Variants in THSD7A observed in about 807,000 individuals in gnomAD.
The protein encoded by THSD7A is thrombospondin type-1 domain-containing protein 7A.
In THSD7A, 96 loss-of-function variants were observed where a neutral mutation model predicts 231.3. The observed-to-expected ratio is 0.41, with a 90% CI of 0.35 to 0.49. The LOEUF (loss-of-function observed/expected upper bound fraction) is 0.49. Among genes scored for constraint, THSD7A ranks in the 20% least tolerant of loss-of-function variants. The pLI, the probability that THSD7A is intolerant of heterozygous loss-of-function variation, is 0.05. For missense variants in THSD7A, 2,290 were observed against 2,070.2 expected, an observed-to-expected ratio of 1.11 and a Z score of -2.06; for synonymous variants, 940 against 743.3, an observed-to-expected ratio of 1.26 and a Z score of -4.30.
At chr7:11,720,531 A>G (rs1781314363) in intron 1 of THSD7A, among the ~76,000 whole-genome samples, 1 of 151,784 alleles carries the variant, frequency 6.6e-6, no homozygotes, top group African/African-American at 2.4e-5. Context: ...GCAAAACAAA[A>G]CAAGCAATAC....
In THSD7A at chr7:11,429,073, A is replaced by G. The variant is rs1339021894; in HGVS notation, c.3117T>C (p.Ser1039=). The change falls in exon 14 of 28, where the codon AGT becomes AGC. Residue 1039 remains serine (S), a synonymous_variant. Coordinates refer to ENST00000423059, the MANE Select transcript of THSD7A (RefSeq NM_015204.3). ...TGCAGCGCGACCAGTTGGACCACTC[A>G]CTGAGCTTGCAGTCTGAGGGGCAGG... ...IIPCPSDCKL[S]EWSNWSRCSK... is the part of the protein sequence containing the mutation. 1 of 1,612,042 alleles carries G rather than the reference A, an allele frequency of 6.2e-7. No homozygotes were observed. The highest frequency in any genetic ancestry group is 8.5e-7 in the Non-Finnish European group (1 of 1,179,124).
chr7:11,624,239 C>A (rs1443713880), intron 2 of THSD7A, among the ~76,000 whole-genome samples: 1 of 152,052 alleles, frequency 6.6e-6, no homozygotes, highest in East Asian at 1.9e-4. Context: ...ATAACCACGA[C>A]CTTACTTGTG....
At chr7:11,412,578 T>G in intron 18 of THSD7A, 78 bp downstream of exon 18, 1 of 1,540,850 alleles carries the variant, frequency 6.5e-7, no homozygotes, top group Non-Finnish European at 8.9e-7. Context: ...AGAGATGAAC[T>G]ATACTGACAG....
chr7:11,587,621 ACTTT>A (rs1278084482), intron 4 of THSD7A, among the ~76,000 whole-genome samples: 1 of 152,222 alleles, frequency 6.6e-6, no homozygotes, highest in East Asian at 1.9e-4. Flanking sequence ...CCTTGTGAGT[ACTTT>A]AATAAGATAC....
At position 11,446,278 on chromosome 7, in the gene THSD7A, G is replaced by A. The variant is rs1224485645; in HGVS notation, c.2847C>T (p.Pro949=). The change falls in exon 13 of 28, where the codon CCC becomes CCT. Residue 949 remains proline, a synonymous_variant. Transcript: ENST00000423059. This position sits in a 1 kb window ranked among gnomAD's most constrained non-coding sequence, Gnocchi z 4.0. ...KEKCKNSHLY[P]LIETQYCPCD... is the part of the protein sequence containing the mutation. ...AAGGACAATACTGAGTCTCAATCAGGGGATACAAATGGGAATTTTTACATT... is the reference window on the plus strand; with the variant it reads ...AAGGACAATACTGAGTCTCAATCAGAGGATACAAATGGGAATTTTTACATT... The A allele has an allele frequency of 5.6e-6, 9 of 1,612,772 alleles. No homozygotes were observed. The highest frequency in any genetic ancestry group is 1.7e-5 in the Admixed American group (1 of 59,886).
At chr7:11,546,200 G>GCACACACACA (rs1554335284) in intron 4 of THSD7A, among the ~76,000 whole-genome samples, 3 of 40,874 alleles carry the variant, frequency 7.3e-5, no homozygotes, top group African/African-American at 4.0e-4. Context: ...GTGTGGGCGC[G>GCACACACACA]CGCTCACACA....
At chr7:11,394,240 C>G (rs565626551) in intron 23 of THSD7A, among the ~76,000 whole-genome samples, 2 of 152,264 alleles carry the variant, frequency 1.3e-5, no homozygotes, top group East Asian at 1.9e-4. Flanking sequence ...TTTCAATCCA[C>G]AATTTCACAT....
At chr7:11,630,519 T>G (rs1176961242) in intron 2 of THSD7A, among the ~76,000 whole-genome samples, 3 of 152,196 alleles carry the variant, frequency 2.0e-5, no homozygotes. Flanking sequence ...ATCCCATGTA[T>G]TTGTGCCTGA....
At chr7:11,572,518 T>G (rs1022154576) in intron 4 of THSD7A, among the ~76,000 whole-genome samples, 3 of 152,088 alleles carry the variant, frequency 2.0e-5, no homozygotes, top group African/African-American at 7.2e-5. Flanking sequence ...TTTAGTAGTT[T>G]CTTTTTGGGG....
intron 1 of THSD7A, among the ~76,000 whole-genome samples, chr7:11,689,802 G>A (rs1780175961): frequency 7.3e-6 from 1 of 137,704 alleles, no homozygotes; most frequent in Non-Finnish European, 1.6e-5. Flanking sequence ...TCACCCATTT[G>A]GAATTAGTTA....
chr7:11,785,644 CT>C (rs1300904394), intron 1 of THSD7A, among the ~76,000 whole-genome samples: 1 of 152,076 alleles, frequency 6.6e-6, no homozygotes, highest in African/African-American at 2.4e-5. Context: ...CCCTTGTATG[CT>C]TTTCTTTCCT....
intron 2 of THSD7A, among the ~76,000 whole-genome samples, chr7:11,627,789 A>G (rs1781520498): frequency 6.6e-6 from 1 of 152,164 alleles, no homozygotes; most frequent in African/African-American, 2.4e-5. Context: ...AGTGAAGAAT[A>G]TGTTCTGACT....
At chr7:11,664,569 T>C (rs1431792717) in intron 1 of THSD7A, among the ~76,000 whole-genome samples, 2 of 151,998 alleles carry the variant, frequency 1.3e-5, no homozygotes, top group East Asian at 3.9e-4. Context: ...CAAATAGCCA[T>C]TGAAACTGAT....
intron 7 of THSD7A, among the ~76,000 whole-genome samples, chr7:11,476,310 C>G (rs1356255360): frequency 7.2e-6 from 1 of 138,030 alleles, no homozygotes; most frequent in Non-Finnish European, 1.5e-5. Context: ...AGTCAAGCCT[C>G]TGGAAGATAC....
chr7:11,633,369 G>A (rs184417644), intron 2 of THSD7A, among the ~76,000 whole-genome samples: 1 of 152,254 alleles, frequency 6.6e-6, no homozygotes. Context: ...CCCTCAGTCT[G>A]TCAAACTGAT....
At chr7:11,673,938 T>A (rs965492778) in intron 1 of THSD7A, among the ~76,000 whole-genome samples, 1 of 151,954 alleles carries the variant, frequency 6.6e-6, no homozygotes, top group African/African-American at 2.4e-5. Context: ...GCTGGAGAAG[T>A]CATACTGGTT....
chr7:11,394,727 C>CCCCTTCTCGGGG (rs1783114551), intron 23 of THSD7A, among the ~76,000 whole-genome samples: 2 of 152,164 alleles, frequency 1.3e-5, no homozygotes, highest in African/African-American at 4.8e-5. Flanking sequence ...GCATGCAGCT[C>CCCCTTCTCGGGG]CAGCTTCTCG....
chr7:11,676,615 G>C (rs920833924), intron 1 of THSD7A, among the ~76,000 whole-genome samples: 1 of 152,048 alleles, frequency 6.6e-6, no homozygotes, highest in Non-Finnish European at 1.5e-5. Context: ...AGAACTTCAT[G>C]GAGCACACAG....
chr7:11,590,508 C>T lies in THSD7A; in HGVS notation c.1405G>A (p.Ala469Thr), dbSNP rs1780113553. 1.9e-6 allele frequency: 3 copies of T among 1,613,688 alleles called. No homozygotes were observed. The highest frequency in any genetic ancestry group is 4.5e-5 in the East Asian group (2 of 44,860). ...AATTGTGAGAGGAGGTTTTCGTTGG[C>T]CTGCACGCAGTACACCTCTCGGGTC... Reference protein sequence around the residue: ...IQTREVYCVQANENLLSQLST... With the variant: ...IQTREVYCVQTNENLLSQLST... Residue 469 changes from alanine to threonine, a missense_variant, in exon 4 of 28, where the codon GCC (alanine) becomes ACC (threonine). Physicochemically the swap from Ala to Thr is moderately conservative, Grantham distance 58 (BLOSUM62 0). Transcript: ENST00000423059. The surrounding 1 kb of genome is among the most constrained non-coding windows in gnomAD (Gnocchi z 4.4).
Sources: gnomAD v4.1 joint callset for allele counts (sites outside exome capture counted in the v4.1 genomes callset) on GRCh38, gnomAD v4.1.1 for gene constraint, Gnocchi (gnomAD v3.1) non-coding constraint, MANE v1.5 for transcripts, NCBI Gene and HGNC (gene_info 2026-07-23, HGNC 2026-07-21) for gene names.